IL23R: variants seen among roughly 807,000 people sequenced by gnomAD.
IL23R encodes the protein interleukin 23 receptor, also known as interleukin-23 receptor.
Under a neutral mutation model 56.9 loss-of-function variants are expected in IL23R, and 34 were observed. That is an observed-to-expected ratio of 0.60 (90% CI 0.45 to 0.80). The LOEUF (loss-of-function observed/expected upper bound fraction) is 0.80. IL23R is among the 30% of genes least tolerant of loss of function. The pLI, the probability that IL23R is intolerant of heterozygous loss-of-function variation, is 0.00. For synonymous variants in IL23R, 230 were observed against 249.2 expected (o/e 0.92, Z 0.73); for missense variants, 635 against 730.0 (o/e 0.87, Z 1.50).
At chr1:67,176,004 C>G (rs557597466) in intron 3 of IL23R, among the ~76,000 whole-genome samples, 3 of 152,202 alleles carry the variant, frequency 2.0e-5, no homozygotes, top group African/African-American at 7.2e-5. Context: ...AAACAGAGAG[C>G]TTTCAAGGAG....
At chr1:67,243,660 T>C (rs985791321) in intron 9 of IL23R, among the ~76,000 whole-genome samples, 6 of 152,214 alleles carry the variant, frequency 3.9e-5, no homozygotes, top group African/African-American at 1.4e-4. Flanking sequence ...TATGGCTGCA[T>C]AGTATTCAAT....
At chr1:67,193,118 A>G (rs904077176) in intron 4 of IL23R, among the ~76,000 whole-genome samples, 16 of 152,146 alleles carry the variant, frequency 1.1e-4, no homozygotes, top group Admixed American at 5.9e-4. Flanking sequence ...GTCCTGCCTC[A>G]GGGCCTTTGC....
At chr1:67,253,468 T>C (rs1652764520) in intron 9 of IL23R, among the ~76,000 whole-genome samples, 1 of 152,244 alleles carries the variant, frequency 6.6e-6, no homozygotes, top group South Asian at 2.1e-4. Flanking sequence ...AGTTTCTCCT[T>C]CTTGCCATCA....
chr1:67,196,648 C>T (rs540904949), intron 4 of IL23R, among the ~76,000 whole-genome samples: 2 of 152,270 alleles, frequency 1.3e-5, no homozygotes, highest in East Asian at 3.9e-4. Flanking sequence ...AGTTAAGTTT[C>T]ATGATGTAAT....
chr1:67,149,896 A>G (rs1212444659), intron 1 of IL23R, among the ~76,000 whole-genome samples: 2 of 152,176 alleles, frequency 1.3e-5, no homozygotes, highest in Non-Finnish European at 2.9e-5. Context: ...ACAGTTAACT[A>G]CTTTTCCAAT....
chr1:67,178,681 A>T (rs1647046760), intron 3 of IL23R, among the ~76,000 whole-genome samples: 2 of 152,220 alleles, frequency 1.3e-5, no homozygotes, highest in African/African-American at 4.8e-5. Context: ...GAGAGAGGGC[A>T]TCCCCATCTT....
chr1:67,207,021 T>C lies in IL23R; in HGVS notation c.764T>C (p.Met255Thr). 6.2e-7 allele frequency: 1 copy of C among 1,611,812 alleles called. No individual in the cohort carries two copies. The highest frequency in any genetic ancestry group is 8.5e-7 in the Non-Finnish European group (1 of 1,179,186). The part of the protein sequence containing the change: ...QTTIEKVSCE[M>T]RYKATTNQTW... ...ACAATTGAAAAGGTTTCCTGTGAAA[T>C]GAGATACAAGGCTACAACAAACCAA... Residue 255 changes from methionine to threonine, a missense_variant, in exon 6 of 11, where the codon ATG becomes ACG. Transcript: ENST00000347310.
At chr1:67,155,104 G>A (rs1329634633) in intron 1 of IL23R, among the ~76,000 whole-genome samples, 1 of 152,212 alleles carries the variant, frequency 6.6e-6, no homozygotes, top group African/African-American at 2.4e-5. Flanking sequence ...CTATAAGAAT[G>A]TTGAATACTG....
At chr1:67,207,471 C>G (rs968593253) in intron 6 of IL23R, 1 of 316,832 alleles carries the variant, frequency 3.2e-6, no homozygotes, top group African/African-American at 2.2e-5. Context: ...AATTGTGTCT[C>G]CCAGAATTCC....
At chr1:67,202,445 C>T (rs1405354754) in intron 5 of IL23R, among the ~76,000 whole-genome samples, 1 of 152,130 alleles carries the variant, frequency 6.6e-6, no homozygotes, top group African/African-American at 2.4e-5. Flanking sequence ...GCTATGTTGG[C>T]CAGGCTGGTC....
intron 10 of IL23R, among the ~76,000 whole-genome samples, 189 bp downstream of exon 10, chr1:67,256,116 G>T: frequency 6.6e-6 from 1 of 152,158 alleles, no homozygotes; most frequent in East Asian, 1.9e-4. Flanking sequence ...AATAGAGTTG[G>T]GGGAAAGAAA....
intron 1 of IL23R, among the ~76,000 whole-genome samples, chr1:67,157,870 C>G (rs1646782535): frequency 6.6e-6 from 1 of 152,098 alleles, no homozygotes; most frequent in Non-Finnish European, 1.5e-5. Context: ...TTTTGTTTAC[C>G]CCTTTATCCT....
At chr1:67,182,476 C>G in intron 3 of IL23R, among the ~76,000 whole-genome samples, 1 of 152,212 alleles carries the variant, frequency 6.6e-6, no homozygotes, top group East Asian at 1.9e-4. Flanking sequence ...TTTGCTGAGA[C>G]TGTCGGAAAA....
At chr1:67,144,650 C>T (rs1570751940) in intron 1 of IL23R, among the ~76,000 whole-genome samples, 1 of 152,170 alleles carries the variant, frequency 6.6e-6, no homozygotes, top group Middle Eastern at 3.4e-3. Context: ...TGTCAAAGTC[C>T]TCCTATAATT....
chr1:67,210,839 G>C (rs1649421007), intron 6 of IL23R, among the ~76,000 whole-genome samples: 1 of 152,078 alleles, frequency 6.6e-6, no homozygotes, highest in Non-Finnish European at 1.5e-5. Flanking sequence ...GTTAAATAAA[G>C]TGATATGTAT....
At chr1:67,209,170 C>G (rs1018041486) in intron 6 of IL23R, among the ~76,000 whole-genome samples, 16 of 152,118 alleles carry the variant, frequency 1.1e-4, no homozygotes, top group African/African-American at 3.4e-4. Flanking sequence ...AACTAACTTG[C>G]TTTTGATTTT....
intron 1 of IL23R, among the ~76,000 whole-genome samples, chr1:67,149,804 T>A (rs10889657): frequency 6.6e-6 from 1 of 151,986 alleles, no homozygotes; most frequent in Non-Finnish European, 1.5e-5. Context: ...GTATTTGCTG[T>A]TGAAAAACCA....
chr1:67,148,374 C>T (rs1646700772), intron 1 of IL23R, among the ~76,000 whole-genome samples: 1 of 152,250 alleles, frequency 6.6e-6, no homozygotes, highest in Non-Finnish European at 1.5e-5. Context: ...GTTTCCCCTG[C>T]CCGCTCGAAT....
At chr1:67,252,815 A>T (rs886413168) in intron 9 of IL23R, among the ~76,000 whole-genome samples, 2 of 141,772 alleles carry the variant, frequency 1.4e-5, no homozygotes, top group African/African-American at 5.1e-5. Context: ...AAAAAAAAAA[A>T]AAAAGAGAGA....
Sources: gnomAD v4.1 joint callset for allele counts (sites outside exome capture counted in the v4.1 genomes callset) on GRCh38, gnomAD v4.1.1 for gene constraint, MANE v1.5 for transcripts, NCBI Gene and HGNC (gene_info 2026-07-23, HGNC 2026-07-21) for gene names.